The following CYTH4 variants were observed in gnomAD, a reference collection of about 807,000 sequenced individuals.
CYTH4 encodes cytohesin-4.
Under a neutral mutation model 57.5 loss-of-function variants are expected in CYTH4, and 22 were observed. The observed-to-expected ratio is 0.38, with a 90% CI of 0.27 to 0.55. The LOEUF (loss-of-function observed/expected upper bound fraction) is 0.55. Among genes scored for constraint, CYTH4 ranks in the 20% least tolerant of loss-of-function variants. The pLI is 0.74. For synonymous variants in CYTH4, 186 were observed against 206.5 expected (o/e 0.90, Z 0.85); for missense variants, 420 against 535.6 (o/e 0.78, Z 2.13).
At chr22:37,301,512 C>T (rs1929181342) in intron 7 of CYTH4, among the ~76,000 whole-genome samples, 1 of 151,858 alleles carries the variant, frequency 6.6e-6, no homozygotes, top group East Asian at 1.9e-4. Flanking sequence ...CCATAGCCCT[C>T]TCTCCCAGGG....
chr22:37,309,238 G>A lies in CYTH4; in HGVS notation c.723G>A (p.Glu241=). 1.9e-6 allele frequency: 3 copies of A among 1,614,118 alleles called. No homozygotes were observed. The highest frequency in any genetic ancestry group is 2.5e-6 in the Non-Finnish European group (3 of 1,179,976). Residue 241 remains glutamate (E), a synonymous_variant, in exon 9 of 13, where the codon GAG becomes GAA. Transcript: ENST00000248901. ...ACCTCTTCGACAGCATCAAGAGTGAGCCATTCTCCATCCCTGAGGACGACG... is the reference window on the plus strand; with the variant it reads ...ACCTCTTCGACAGCATCAAGAGTGAACCATTCTCCATCCCTGAGGACGACG... ...LRNLFDSIKS[E]PFSIPEDDGN...
chr22:37,308,190 G>C (rs929963225), intron 8 of CYTH4, among the ~76,000 whole-genome samples: 4 of 152,208 alleles, frequency 2.6e-5, no homozygotes, highest in Non-Finnish European at 4.4e-5. Flanking sequence ...GCTCCTCAGG[G>C]GCCCCTCAAC....
At chr22:37,290,220 G>T (rs1338358239) in intron 1 of CYTH4, among the ~76,000 whole-genome samples, 1 of 152,160 alleles carries the variant, frequency 6.6e-6, no homozygotes, top group Non-Finnish European at 1.5e-5. Flanking sequence ...ACTCAAATGT[G>T]GCCCTGAAGA....
intron 2 of CYTH4, among the ~76,000 whole-genome samples, chr22:37,293,819 T>G (rs1186612652): frequency 6.6e-6 from 1 of 151,862 alleles, no homozygotes; most frequent in South Asian, 2.1e-4. Flanking sequence ...AGGGTCAAGA[T>G]GAAATGGGCT....
intron 1 of CYTH4, among the ~76,000 whole-genome samples, chr22:37,285,945 G>A (rs5756590): frequency 0.48 from 72,392 of 151,872 alleles, 19,728 homozygotes; most frequent in South Asian, 0.67. Context: ...GGGGACAGGG[G>A]ACTGAGGATT....
chr22:37,284,595 G>A (rs1185084591), intron 1 of CYTH4, among the ~76,000 whole-genome samples: 1 of 152,204 alleles, frequency 6.6e-6, no homozygotes, highest in African/African-American at 2.4e-5. Flanking sequence ...CTACGTGGGT[G>A]CCATCATCCT....
intron 9 of CYTH4, among the ~76,000 whole-genome samples, chr22:37,310,754 C>T (rs944712993): frequency 1.3e-5 from 2 of 152,168 alleles, no homozygotes; most frequent in Non-Finnish European, 2.9e-5. Flanking sequence ...GACCTGATCA[C>T]GGAGGCCACC....
intron 6 of CYTH4, 26 bp from the exon 7 acceptor site, chr22:37,300,881 T>TGCCCGTGGCCCCGTTTCTCCCCC (rs1467813826): frequency 6.2e-7 from 1 of 1,606,044 alleles, no homozygotes; most frequent in Admixed American, 1.7e-5. Flanking sequence ...CCCACTCCAC[T>TGCCCGTGGCCCCGTTTCTCCCCC]GCCCGTGGCC....
In CYTH4 at chr22:37,313,667, C is replaced by T. The variant is rs931717168; in HGVS notation, c.*156C>T. 3.4e-5 allele frequency: 24 copies of T among 710,852 alleles called. No individual in the cohort carries two copies. The Admixed American group carries it at 4.2e-4, about 12-fold the overall frequency. The allele number at this position is 710,852 out of a possible 1,614,324, so 44.0% of individuals were successfully genotyped here. A position where few individuals can be genotyped will look rare whatever the true frequency, so the allele number is the denominator to read the frequency against. On this transcript the variant is annotated 3_prime_UTR_variant, in exon 13 of 13. Transcript: ENST00000248901. ...GCTGACTCTAGAGGGGAAGGCAGAG[C>T]TCAGGAGGGTGGGTGGGAGCTGCAG...
intron 1 of CYTH4, 149 bp downstream of exon 1, chr22:37,282,737 G>A: frequency 1.4e-6 from 1 of 721,992 alleles, no homozygotes; most frequent in Non-Finnish European, 2.3e-6. Context: ...GGCTCAGCCT[G>A]TGTGTCCAGT....
rs371052103 is a variant in CYTH4 at position 37,292,331 on chromosome 22, G to A, written c.20-290G>A. On this transcript the variant is annotated intron_variant, in intron 1 of 12. Transcript: ENST00000248901. Reference sequence around the variant, plus strand: ...TAGTGAGCAAAAGAGTAGAACAACTGAACTCTCATGGAGCCGAGAGTCTAG... The same window carrying A: ...TAGTGAGCAAAAGAGTAGAACAACTAAACTCTCATGGAGCCGAGAGTCTAG... The A allele has an allele frequency of 9.7e-6, 4 of 411,158 alleles. No individual in the cohort carries two copies. In the South Asian group the frequency reaches 1.6e-4, roughly 17 times the overall value. 25.5% of individuals were successfully genotyped at this position (411,158 alleles called of 1,614,324 possible).
intron 8 of CYTH4, among the ~76,000 whole-genome samples, chr22:37,308,362 C>A (rs927111300): frequency 6.6e-5 from 10 of 150,704 alleles, no homozygotes; most frequent in Admixed American, 2.6e-4. Flanking sequence ...TGTGGGCATG[C>A]ATGTATATAT....
intron 8 of CYTH4, among the ~76,000 whole-genome samples, chr22:37,304,550 G>A (rs577052267): frequency 5.5e-4 from 84 of 152,282 alleles, no homozygotes; most frequent in African/African-American, 1.1e-3. Flanking sequence ...GAGGGGGCGC[G>A]AACACCACGG....
chr22:37,285,848 C>T lies in CYTH4; in HGVS notation c.19+3260C>T, dbSNP rs115961821. ...GGCTCCGTGTGCACCATGTAAGACACAGCAAGCCCGGGGCCATCATCACCC... is the reference window on the plus strand; with the variant it reads ...GGCTCCGTGTGCACCATGTAAGACATAGCAAGCCCGGGGCCATCATCACCC... On this transcript the variant is annotated intron_variant, in intron 1 of 12. Transcript: ENST00000248901. Among the ~76,000 whole-genome samples, 449 of 152,312 alleles carry T rather than the reference C, an allele frequency of 2.9e-3. 1 individual carries two copies. The highest frequency in any genetic ancestry group is 0.01 in the African/African-American group (425 of 41,548).
intron 4 of CYTH4, among the ~76,000 whole-genome samples, chr22:37,297,194 T>A (rs1929006125): frequency 6.6e-6 from 1 of 152,178 alleles, no homozygotes; most frequent in African/African-American, 2.4e-5. Context: ...ACGCTATTTT[T>A]AAATAATATG....
Position 37,282,557 on chromosome 22 carries a change from C to A in CYTH4, c.-13C>A. 1 of 1,613,850 alleles carries A rather than the reference C, an allele frequency of 6.2e-7. No homozygotes were observed. On this transcript the variant is annotated 5_prime_UTR_variant, in exon 1 of 13. Coordinates refer to ENST00000248901, the MANE Select transcript of CYTH4 (RefSeq NM_013385.5). ...ACAGGAGCACGGGTCATCTTTTCCC[C>A]AGAGGCGTCGGAATGGACCTGTGCC...
In CYTH4 at chr22:37,296,151, A is replaced by G. The variant is rs970870253; in HGVS notation, c.234+86A>G. 14 of 1,341,674 alleles carry G rather than the reference A, an allele frequency of 1.0e-5. No homozygotes were observed. The African/African-American group carries it at 2.0e-4, about 20-fold the overall frequency. 83.1% of individuals were successfully genotyped at this position (1,341,674 alleles called of 1,614,324 possible). A position where few individuals can be genotyped will look rare whatever the true frequency, so the allele number is the denominator to read the frequency against. On this transcript the variant is annotated intron_variant, in intron 4 of 12. Transcript: ENST00000248901. ...GGTGTCCTCTCGCTCCCCTCGGCTGACACGACCCCTTTCCAGAGGAGGAAG... is the reference window on the plus strand; with the variant it reads ...GGTGTCCTCTCGCTCCCCTCGGCTGGCACGACCCCTTTCCAGAGGAGGAAG...
rs142484475 is a variant in CYTH4, at chr22:37,301,586, T to C, written c.547+567T>C. 3.3e-5 allele frequency among the ~76,000 whole-genome samples: 5 copies of C among 151,912 alleles called. No homozygotes were observed. In the East Asian group the frequency reaches 5.8e-4, roughly 18 times the overall value. ...GTGGGCGAGGGACCATCCTGGCCTCTTCTCTGGATCTAGTTGTCATAACAA... is the reference window on the plus strand; with the variant it reads ...GTGGGCGAGGGACCATCCTGGCCTCCTCTCTGGATCTAGTTGTCATAACAA... On this transcript the variant is annotated intron_variant, in intron 7 of 12. Transcript: ENST00000248901.
Position 37,282,564 on chromosome 22 carries a change from G to A in CYTH4, c.-6G>A, listed in dbSNP as rs531747824. Reference sequence around the variant, plus strand: ...CACGGGTCATCTTTTCCCCAGAGGCGTCGGAATGGACCTGTGCCACCCAGG... The same window carrying A: ...CACGGGTCATCTTTTCCCCAGAGGCATCGGAATGGACCTGTGCCACCCAGG... On this transcript the variant is annotated 5_prime_UTR_variant, in exon 1 of 13. Transcript: ENST00000248901. The A allele has an allele frequency of 3.4e-4, 550 of 1,613,760 alleles. 1 individual carries two copies. Among genetic ancestry groups the A allele is most frequent in the South Asian group, 5.4e-4 (49 of 91,044 alleles).
Sources: allele counts gnomAD v4.1 joint callset (sites outside exome capture counted in the v4.1 genomes callset), GRCh38; gene constraint gnomAD v4.1.1; transcripts MANE v1.5; gene names NCBI Gene and HGNC (gene_info 2026-07-23, HGNC 2026-07-21).